The following CLYBL variants were observed in gnomAD, a reference collection of about 807,000 sequenced individuals.
CLYBL encodes the protein citramalyl-CoA lyase, also known as citramalyl-CoA lyase, mitochondrial.
CLYBL carries 31 observed loss-of-function variants against 38.9 expected under a neutral mutation model. The observed-to-expected ratio is 0.80, with a 90% CI of 0.60 to 1.08. The LOEUF (loss-of-function observed/expected upper bound fraction) is 1.08, where lower values mean the gene tolerates loss of function less well. Among genes scored for constraint, CLYBL ranks in the 50% least tolerant of loss-of-function variants. CLYBL has a pLI of 0.00. For synonymous variants in CLYBL, 171 were observed against 158.6 expected, an observed-to-expected ratio of 1.08 and a Z score of -0.59; for missense variants, 434 against 411.6, an observed-to-expected ratio of 1.05 and a Z score of -0.47.
chr13:99,859,353 C>T (rs1432444150), intron 3 of CLYBL, among the ~76,000 whole-genome samples: 3 of 152,168 alleles, frequency 2.0e-5, no homozygotes, highest in Admixed American at 6.5e-5. Context: ...CTAGGTTGCC[C>T]GAGAATCTCA....
intron 1 of CLYBL, among the ~76,000 whole-genome samples, chr13:99,745,992 G>A (rs1399834825): frequency 6.7e-6 from 1 of 149,486 alleles, no homozygotes; most frequent in Non-Finnish European, 1.5e-5. Context: ...TGAAAACGGA[G>A]ATTTCATTAA....
chr13:99,891,603 T>C, intron 8 of CLYBL, 166 bp downstream of exon 8: 3 of 531,338 alleles, frequency 5.6e-6, no homozygotes, highest in Non-Finnish European at 1.0e-5. Context: ...ATGAACGCTT[T>C]TCCCTTTGGA....
chr13:99,778,162 A>G (rs987831174), intron 2 of CLYBL, among the ~76,000 whole-genome samples: 11 of 152,218 alleles, frequency 7.2e-5, no homozygotes, highest in African/African-American at 2.7e-4. Flanking sequence ...AGGAGCTTCA[A>G]TTCACTGGAA....
intron 1 of CLYBL, among the ~76,000 whole-genome samples, chr13:99,749,246 C>T (rs552317199): frequency 1.2e-4 from 18 of 152,190 alleles, no homozygotes; most frequent in Middle Eastern, 6.8e-3. Context: ...GAACGTCCCT[C>T]GCCCCTGGTG....
At chr13:99,651,246 C>T (rs2047248742) in intron 1 of CLYBL, among the ~76,000 whole-genome samples, 1 of 152,228 alleles carries the variant, frequency 6.6e-6, no homozygotes, top group African/African-American at 2.4e-5. Flanking sequence ...ATTGCAGGCC[C>T]AGCATCTGTC....
intron 1 of CLYBL, among the ~76,000 whole-genome samples, chr13:99,696,108 A>G (rs2047975268): frequency 6.6e-6 from 1 of 152,216 alleles, no homozygotes; most frequent in South Asian, 2.1e-4. Context: ...TTGACTTTCC[A>G]TGTAGAATAG....
At chr13:99,690,004 T>C (rs2047876015) in intron 1 of CLYBL, 1 of 152,232 alleles carries the variant, frequency 6.6e-6, no homozygotes, top group South Asian at 2.1e-4. Context: ...GAGCAGTAAA[T>C]TGCATGCCAT....
intron 2 of CLYBL, among the ~76,000 whole-genome samples, chr13:99,846,224 A>G (rs1254027133): frequency 6.6e-6 from 1 of 151,900 alleles, no homozygotes; most frequent in African/African-American, 2.4e-5. Context: ...AAACATGCAA[A>G]GGTGGAACCA....
intron 1 of CLYBL, among the ~76,000 whole-genome samples, chr13:99,607,313 G>T (rs969676778): frequency 6.7e-6 from 1 of 148,980 alleles, no homozygotes; most frequent in Non-Finnish European, 1.5e-5. Flanking sequence ...CAAAAAAAAA[G>T]TGAGAAGATT....
chr13:99,612,075 T>G (rs1246044829), intron 1 of CLYBL, among the ~76,000 whole-genome samples: 33 of 152,244 alleles, frequency 2.2e-4, no homozygotes. Context: ...CCATTTGCAG[T>G]TAATCCTTAC....
rs541530333 is a variant in CLYBL at position 99,714,489 on chromosome 13, C to T, written c.63-58335C>T. On this transcript the variant is annotated intron_variant, in intron 1 of 8. Transcript: ENST00000339105. ...AAAATTAGCTTGGTGTGGTGGCACA[C>T]GCCTGTAATCCCAGCTACTCAGGAG... 6.6e-5 allele frequency among the ~76,000 whole-genome samples: 10 copies of T among 151,208 alleles called. No individual in the cohort carries two copies. The East Asian group carries it at 7.9e-4, about 12-fold the overall frequency.
intron 1 of CLYBL, among the ~76,000 whole-genome samples, chr13:99,677,661 T>C (rs2047673759): frequency 1.3e-5 from 2 of 152,368 alleles, no homozygotes; most frequent in South Asian, 4.1e-4. Flanking sequence ...CTGTATTTAG[T>C]TCATGTCATT....
At chr13:99,814,705 G>A (rs1448497782) in intron 2 of CLYBL, among the ~76,000 whole-genome samples, 8 of 147,716 alleles carry the variant, frequency 5.4e-5, no homozygotes, top group Admixed American at 2.7e-4. Context: ...TCCAGACTGG[G>A]CAACAGAACA....
At chr13:99,662,710 G>T (rs936561408) in intron 1 of CLYBL, among the ~76,000 whole-genome samples, 2 of 152,070 alleles carry the variant, frequency 1.3e-5, no homozygotes, top group Admixed American at 6.6e-5. Context: ...AATTTATAAA[G>T]TGTGGCATAT....
intron 2 of CLYBL, among the ~76,000 whole-genome samples, chr13:99,786,032 G>T (rs1029942261): frequency 1.1e-4 from 17 of 151,554 alleles, no homozygotes; most frequent in African/African-American, 4.1e-4. Context: ...TCCCCCAGTT[G>T]TCCCAATACA....
rs533687047 is a variant in CLYBL, at chr13:99,835,298, G to A, written c.250-23563G>A. ...CCCAACAGCACAGAAAGAGGTAGCC[G>A]GGTGGTCCAAGGCAGGTGGGAAGTG... On this transcript the variant is annotated intron_variant, in intron 2 of 8. Transcript: ENST00000339105. 5.9e-5 allele frequency among the ~76,000 whole-genome samples: 9 copies of A among 152,326 alleles called. 1 individual carries two copies. The highest frequency in any genetic ancestry group is 5.9e-4 in the Admixed American group (9 of 15,306).
chr13:99,815,180 G>A (rs1394180621), intron 2 of CLYBL, among the ~76,000 whole-genome samples: 1 of 152,194 alleles, frequency 6.6e-6, no homozygotes, highest in Non-Finnish European at 1.5e-5. Context: ...CAATTCTGGG[G>A]AGCTGCATTC....
At chr13:99,728,280 C>CTTTTT (rs55834602) in intron 1 of CLYBL, among the ~76,000 whole-genome samples, 47 of 107,594 alleles carry the variant, frequency 4.4e-4, no homozygotes, top group South Asian at 7.3e-4. Flanking sequence ...CTTTTCTTTT[C>CTTTTT]TTTTTTTTTT....
intron 1 of CLYBL, among the ~76,000 whole-genome samples, chr13:99,703,703 A>T (rs1202032000): frequency 6.6e-6 from 1 of 152,168 alleles, no homozygotes; most frequent in Non-Finnish European, 1.5e-5. Context: ...TCCTTTACAC[A>T]GGAGATGTAT....
Sources: allele counts gnomAD v4.1 joint callset (sites outside exome capture counted in the v4.1 genomes callset), GRCh38; gene constraint gnomAD v4.1.1; transcripts MANE v1.5; gene names NCBI Gene and HGNC (gene_info 2026-07-23, HGNC 2026-07-21).